PCDHGB4: variants seen among roughly 807,000 people sequenced by gnomAD.
PCDHGB4 encodes the protein protocadherin gamma-B4.
Under a neutral mutation model 60.5 loss-of-function variants are expected in PCDHGB4, and 38 were observed. The ratio of observed to expected loss-of-function variants is 0.63; its 90% CI spans 0.48 to 0.82. The LOEUF (loss-of-function observed/expected upper bound fraction) is 0.82, where lower values mean the gene tolerates loss of function less well. Ranked by LOEUF, PCDHGB4 falls within the 40% of genes least tolerant of loss-of-function variation. The probability of loss-of-function intolerance (pLI) is 0.00; values close to 1 mark genes in which losing one functional copy is unlikely to be tolerated. For missense variants in PCDHGB4, 1,109 were observed against 1,209.6 expected (o/e 0.92, Z 1.23); for synonymous variants, 456 against 509.7 (o/e 0.89, Z 1.42).
intron 1 of PCDHGB4, chr5:141,403,625 A>G (rs2094436092): frequency 6.2e-7 from 1 of 1,613,818 alleles, no homozygotes; most frequent in African/African-American, 1.3e-5. Context: ...TCGCTCCAGC[A>G]CAGTGCGCAT....
chr5:141,395,148 C>T (rs1288484224), intron 1 of PCDHGB4: 19 of 1,614,078 alleles, frequency 1.2e-5, no homozygotes, highest in Non-Finnish European at 1.6e-5. Context: ...CGCAGACATG[C>T]TCATCAGTCA....
chr5:141,425,482 C>G (rs1257043728), intron 1 of PCDHGB4, among the ~76,000 whole-genome samples: 1 of 152,192 alleles, frequency 6.6e-6, no homozygotes, highest in East Asian at 1.9e-4. Flanking sequence ...CCTATGGCAA[C>G]CTACTAGGCT....
intron 1 of PCDHGB4, chr5:141,415,217 GCTTCGAGTCT>G: frequency 2.5e-6 from 4 of 1,614,124 alleles, no homozygotes; most frequent in Non-Finnish European, 3.4e-6. Context: ...GACCTCGGCA[GCTTCGAGTCT>G]CCAGCTAACT....
At position 141,511,481 on chromosome 5, in the gene PCDHGB4, ACTC is replaced by A. The variant is rs2154594681; in HGVS notation, c.*313_*315del. On this transcript the variant is annotated 3_prime_UTR_variant, in exon 4 of 4. Coordinates refer to ENST00000519479, the MANE Select transcript of PCDHGB4 (RefSeq NM_003736.4). ...CCACACCCCGTTTAGTTACAGCTGAACTCCTCCATCTTCCAAATCAATCAGGCC... is the reference window on the plus strand; with the variant it reads ...CCACACCCCGTTTAGTTACAGCTGAACTCCATCTTCCAAATCAATCAGGCC... 2 of 464,080 alleles carry A rather than the reference ACTC, an allele frequency of 4.3e-6. No individual in the cohort carries two copies. The highest frequency in any genetic ancestry group is 7.7e-6 in the Non-Finnish European group (2 of 260,856). The allele number at this position is 464,080 out of a possible 1,614,324, so 28.7% of individuals were successfully genotyped here.
At chr5:141,415,359 G>C in intron 1 of PCDHGB4, 2 of 1,614,246 alleles carry the variant, frequency 1.2e-6, no homozygotes, top group Non-Finnish European at 1.7e-6. Flanking sequence ...AGTCACGCCT[G>C]CTGCAGGCTT....
At chr5:141,412,195 C>T (rs1326751515) in intron 1 of PCDHGB4, 2 of 152,208 alleles carry the variant, frequency 1.3e-5, no homozygotes, top group African/African-American at 4.8e-5. Context: ...CTGATGAAAA[C>T]AGGTCATTTG....
At chr5:141,403,721 C>G (rs748888364) in intron 1 of PCDHGB4, 2 of 1,613,872 alleles carry the variant, frequency 1.2e-6, no homozygotes, top group East Asian at 2.2e-5. Flanking sequence ...GAACGTGCCC[C>G]CAGGCACCTG....
intron 1 of PCDHGB4, among the ~76,000 whole-genome samples, chr5:141,472,718 G>A (rs980710833): frequency 1.3e-5 from 2 of 152,002 alleles, no homozygotes; most frequent in Non-Finnish European, 2.9e-5. Context: ...AGGCGCTGTG[G>A]CTCACACCTG....
chr5:141,428,320 T>C (rs2097132935), intron 1 of PCDHGB4: 2 of 650,176 alleles, frequency 3.1e-6, no homozygotes, highest in Admixed American at 2.2e-5. Context: ...GGCCTTGGCC[T>C]TGATTTCTAT....
intron 1 of PCDHGB4, chr5:141,404,708 T>C: frequency 6.2e-7 from 1 of 1,614,064 alleles, no homozygotes; most frequent in Non-Finnish European, 8.5e-7. Context: ...AGAGCCTGGC[T>C]ACCTGGTGAC....
Position 141,486,243 on chromosome 5 carries a change from G to T in PCDHGB4, c.2398-8564G>T. ...TACATCACAGTGACCTCAGAGCTTG[G>T]AACCCTCCCCGAGAGTGCAGAACCT... is the stretch of plus-strand genomic sequence containing the variant. On this transcript the variant is annotated intron_variant, in intron 1 of 3. Coordinates refer to ENST00000519479, the MANE Select transcript of PCDHGB4 (RefSeq NM_003736.4). The surrounding 1 kb of genome is among the most constrained non-coding windows in gnomAD (Gnocchi z 5.0). 1 of 1,614,156 alleles carries T rather than the reference G, an allele frequency of 6.2e-7. No individual in the cohort carries two copies. Among genetic ancestry groups the T allele is most frequent in the Non-Finnish European group, 8.5e-7 (1 of 1,180,018 alleles).
At chr5:141,411,890 G>T (rs2095521758) in intron 1 of PCDHGB4, 1 of 152,148 alleles carries the variant, frequency 6.6e-6, no homozygotes, top group South Asian at 2.1e-4. Context: ...AGAAATAAAT[G>T]AAATACTATT....
chr5:141,430,915 G>T, intron 1 of PCDHGB4: 1 of 1,607,738 alleles, frequency 6.2e-7, no homozygotes, highest in East Asian at 2.2e-5. Flanking sequence ...CCAGGGACCT[G>T]GGGCTGGAGC....
chr5:141,481,619 A>T (rs1303171847), intron 1 of PCDHGB4, among the ~76,000 whole-genome samples: 1 of 152,128 alleles, frequency 6.6e-6, no homozygotes, highest in Non-Finnish European at 1.5e-5. Flanking sequence ...GGAGTTCAAG[A>T]CCGGCCTGGC....
intron 1 of PCDHGB4, among the ~76,000 whole-genome samples, chr5:141,436,175 A>G (rs1263518258): frequency 1.3e-5 from 2 of 152,192 alleles, no homozygotes; most frequent in Non-Finnish European, 2.9e-5. Flanking sequence ...CAGTTCTCAT[A>G]TATAGTCAAA....
rs1437409726 is a variant in PCDHGB4, at chr5:141,471,036, C to T, written c.2398-23771C>T. Among the ~76,000 whole-genome samples the T allele has an allele frequency of 2.8e-5, 4 of 144,908 alleles. No homozygotes were observed. The South Asian group carries it at 6.5e-4, about 24-fold the overall frequency. ...CTGGTCAATCATTTTTATTAACAAG[C>T]CCAAGCCCTCTTTTTTTTTTTTTTT... On this transcript the variant is annotated intron_variant, in intron 1 of 3. Transcript: ENST00000519479.
At chr5:141,509,128 A>C (rs995210331) in intron 3 of PCDHGB4, among the ~76,000 whole-genome samples, 8 of 151,958 alleles carry the variant, frequency 5.3e-5, no homozygotes, top group African/African-American at 1.7e-4. Flanking sequence ...TGAAGAGAAA[A>C]ACCGAGGCGC....
Position 141,427,920 on chromosome 5 carries a change from C to T in PCDHGB4, c.2397+37639C>T, listed in dbSNP as rs552823212. The T allele has an allele frequency of 3.8e-6, 6 of 1,579,506 alleles. No homozygotes were observed. In the African/African-American group the frequency reaches 4.0e-5, roughly 11 times the overall value. On this transcript the variant is annotated intron_variant, in intron 1 of 3. Transcript: ENST00000519479. The stretch of plus-strand genomic sequence containing the variant: ...GCCCGCGCTCAGCGCCAACATGAGC[C>T]GGCGCATGTTGGTGGGCGACCTCAA...
At position 141,476,418 on chromosome 5, in the gene PCDHGB4, T is replaced by G. The variant is rs201255025; in HGVS notation, c.2398-18389T>G. ...GATCGAGAGGAGCTGTGTGGGACAC[T>G]GCCCTCTTGCACTGTAACTCTGGAG... On this transcript the variant is annotated intron_variant, in intron 1 of 3. Transcript: ENST00000519479. This position sits in a 1 kb window ranked among gnomAD's most constrained non-coding sequence, Gnocchi z 7.6. 8 of 1,614,122 alleles carry G rather than the reference T, an allele frequency of 5.0e-6. No homozygotes were observed. The highest frequency in any genetic ancestry group is 1.6e-4 in the Middle Eastern group (1 of 6,062).
Sources: allele counts gnomAD v4.1 joint callset (sites outside exome capture counted in the v4.1 genomes callset), GRCh38; gene constraint gnomAD v4.1.1; non-coding constraint Gnocchi (gnomAD v3.1); transcripts MANE v1.5; gene names NCBI Gene and HGNC (gene_info 2026-07-23, HGNC 2026-07-21).